The following AGMO variants were observed in gnomAD, a reference collection of about 807,000 sequenced individuals.
AGMO encodes alkylglycerol monooxygenase.
AGMO carries 75 observed loss-of-function variants against 60.2 expected under a neutral mutation model. The ratio of observed to expected loss-of-function variants is 1.25; its 90% CI spans 1.03 to 1.51. The LOEUF is 1.51. Among genes scored for constraint, AGMO ranks in the 40% most tolerant of loss-of-function variants. The pLI is 0.00. For synonymous variants in AGMO, 261 were observed against 177.1 expected (o/e 1.47, Z -3.76); for missense variants, 763 against 525.5 (o/e 1.45, Z -4.42).
chr7:15,250,137 A>T (rs1370243101), intron 12 of AGMO, among the ~76,000 whole-genome samples: 1 of 152,110 alleles, frequency 6.6e-6, no homozygotes, highest in Non-Finnish European at 1.5e-5. Flanking sequence ...ATTAGCTAAA[A>T]CCCAAATTTC....
intron 12 of AGMO, among the ~76,000 whole-genome samples, chr7:15,241,343 C>CCACCT (rs1238021738): frequency 6.6e-6 from 1 of 150,546 alleles, no homozygotes. Context: ...GCCTGTAATC[C>CCACCT]CAGCTACTCG....
intron 12 of AGMO, among the ~76,000 whole-genome samples, chr7:15,277,556 T>C (rs2128517184): frequency 6.6e-6 from 1 of 152,238 alleles, no homozygotes; most frequent in East Asian, 1.9e-4. Context: ...TTTTAAATTT[T>C]CTCCATCCCT....
At chr7:15,184,540 TAAAA>T in the AGMO span, among the ~76,000 whole-genome samples, 6 of 18,178 alleles carry the variant, frequency 3.3e-4, no homozygotes, top group African/African-American at 1.5e-3. Flanking sequence ...GGAAGGGAGG[TAAAA>T]AGGAAGGAAG....
intron 12 of AGMO, among the ~76,000 whole-genome samples, chr7:15,273,083 C>T (rs896784036): frequency 1.3e-5 from 2 of 152,090 alleles, no homozygotes; most frequent in African/African-American, 2.4e-5. Context: ...AGGTTGCCTG[C>T]TCACTCTGAT....
chr7:15,362,892 G>A (rs1782820146), intron 12 of AGMO, among the ~76,000 whole-genome samples: 1 of 152,118 alleles, frequency 6.6e-6, no homozygotes, highest in South Asian at 2.1e-4. Flanking sequence ...TCATTACATG[G>A]ACGAAAATGT....
chr7:15,119,025 G>C, the AGMO span, among the ~76,000 whole-genome samples: 1 of 149,790 alleles, frequency 6.7e-6, no homozygotes, highest in Non-Finnish European at 1.5e-5. Flanking sequence ...ATAAGAACTA[G>C]ATATGAGTGG....
the AGMO span, among the ~76,000 whole-genome samples, chr7:15,146,086 C>T: frequency 1.3e-5 from 2 of 152,088 alleles, no homozygotes; most frequent in Non-Finnish European, 2.9e-5. Context: ...TAATCCTTCA[C>T]TCAAAGTGTA....
chr7:15,412,835 T>C (rs1429401059), intron 5 of AGMO, among the ~76,000 whole-genome samples: 2 of 152,066 alleles, frequency 1.3e-5, no homozygotes, highest in African/African-American at 4.8e-5. Flanking sequence ...TACAGGGTAG[T>C]TAGCCAATTA....
the AGMO span, among the ~76,000 whole-genome samples, chr7:15,131,011 C>A: frequency 6.6e-6 from 1 of 151,950 alleles, no homozygotes. Flanking sequence ...CTTCTAATTG[C>A]CAATAGCTAT....
At chr7:15,345,765 T>A (rs1475381343) in intron 12 of AGMO, among the ~76,000 whole-genome samples, 1 of 152,162 alleles carries the variant, frequency 6.6e-6, no homozygotes, top group Non-Finnish European at 1.5e-5. Context: ...GCTTGATAAC[T>A]TACTTATCTA....
chr7:15,154,887 T>G, the AGMO span, among the ~76,000 whole-genome samples: 1 of 152,158 alleles, frequency 6.6e-6, no homozygotes, highest in African/African-American at 2.4e-5. Flanking sequence ...AAATTCTTGG[T>G]TGGAATTTCT....
chr7:15,303,883 A>T (rs1780527464), intron 12 of AGMO, among the ~76,000 whole-genome samples: 1 of 152,172 alleles, frequency 6.6e-6, no homozygotes, highest in Non-Finnish European at 1.5e-5. Flanking sequence ...GTGAGGATCA[A>T]TTCTTTCTCT....
At chr7:15,374,325 C>G (rs911381588) in intron 10 of AGMO, among the ~76,000 whole-genome samples, 5 of 151,880 alleles carry the variant, frequency 3.3e-5, no homozygotes, top group Admixed American at 1.3e-4. Flanking sequence ...GAATTTCAAG[C>G]AAGAAGCAAA....
At chr7:15,171,169 G>T in the AGMO span, among the ~76,000 whole-genome samples, 217 of 152,158 alleles carry the variant, frequency 1.4e-3, 2 homozygotes, top group African/African-American at 5.1e-3. Flanking sequence ...TTTTAGTAGA[G>T]ACGGGGTTTC....
chr7:15,176,363 C>T, the AGMO span, among the ~76,000 whole-genome samples: 4 of 151,742 alleles, frequency 2.6e-5, no homozygotes, highest in Admixed American at 6.6e-5. Flanking sequence ...CCCTTGAGCA[C>T]GTAAATATGC....
intron 12 of AGMO, among the ~76,000 whole-genome samples, chr7:15,212,627 T>C (rs979169923): frequency 1.3e-5 from 2 of 152,016 alleles, no homozygotes; most frequent in African/African-American, 4.8e-5. Flanking sequence ...AAATGAATCA[T>C]ATCTAGCACA....
chr7:15,509,393 A>G (rs543332497), intron 3 of AGMO, among the ~76,000 whole-genome samples: 3 of 151,994 alleles, frequency 2.0e-5, no homozygotes, highest in African/African-American at 4.8e-5. Context: ...TAAAAATGAA[A>G]CTGGACAATT....
At chr7:15,262,832 AG>A (rs1173815605) in intron 12 of AGMO, among the ~76,000 whole-genome samples, 1 of 152,232 alleles carries the variant, frequency 6.6e-6, no homozygotes. Flanking sequence ...AAAGTGGAAA[AG>A]GTTACCCTAC....
chr7:15,348,819 A>C (rs1294657211), intron 12 of AGMO, among the ~76,000 whole-genome samples: 1 of 152,084 alleles, frequency 6.6e-6, no homozygotes, highest in African/African-American at 2.4e-5. Flanking sequence ...CACATGCAAA[A>C]ATTACCCATA....
Sources: gnomAD v4.1 joint callset for allele counts (sites outside exome capture counted in the v4.1 genomes callset) on GRCh38, gnomAD v4.1.1 for gene constraint, MANE v1.5 for transcripts, NCBI Gene and HGNC (gene_info 2026-07-23, HGNC 2026-07-21) for gene names.